GALNT9: variants seen among roughly 807,000 people sequenced by gnomAD.
GALNT9 encodes polypeptide N-acetylgalactosaminyltransferase 9, also known as GalNAc transferase 9.
A neutral mutation model predicts 63.1 loss-of-function variants in GALNT9; 47 were observed. The observed-to-expected ratio is 0.75, with a 90% CI of 0.59 to 0.95. The LOEUF (loss-of-function observed/expected upper bound fraction) is 0.95, where lower values mean the gene tolerates loss of function less well. Ranked by LOEUF, GALNT9 falls within the 40% of genes least tolerant of loss-of-function variation. The pLI is 0.00. For synonymous variants in GALNT9, 396 were observed against 365.7 expected (o/e 1.08, Z -0.94); for missense variants, 829 against 874.8 (o/e 0.95, Z 0.66).
chr12:132,202,124 C>T (rs557210436), intron 7 of GALNT9, among the ~76,000 whole-genome samples: 4 of 152,338 alleles, frequency 2.6e-5, no homozygotes, highest in South Asian at 2.1e-4. Flanking sequence ...GGGACGATCA[C>T]GCCAGAAACT....
At chr12:132,291,504 GTCCACACCACCCACA>G (rs1169805092) in intron 1 of GALNT9, among the ~76,000 whole-genome samples, 2 of 98,662 alleles carry the variant, frequency 2.0e-5, no homozygotes, top group East Asian at 3.1e-4. Context: ...CAGCGCCCAC[GTCCACACCACCCACA>G]TCCACAGCAC....
chr12:132,240,578 C>T (rs2136898711), intron 6 of GALNT9: 1 of 454,380 alleles, frequency 2.2e-6, no homozygotes, highest in Admixed American at 2.4e-5. Flanking sequence ...GTGCGTGGCC[C>T]CGGGGCTCGG....
intron 6 of GALNT9, among the ~76,000 whole-genome samples, chr12:132,230,248 C>T (rs1453782371): frequency 2.0e-5 from 3 of 152,230 alleles, no homozygotes; most frequent in Non-Finnish European, 4.4e-5. Context: ...GCTGGACGTC[C>T]TGCCTGTGAG....
chr12:132,251,658 G>C (rs1269603180), intron 5 of GALNT9, among the ~76,000 whole-genome samples: 1 of 152,122 alleles, frequency 6.6e-6, no homozygotes, highest in Non-Finnish European at 1.5e-5. Flanking sequence ...TCTCCTCCCC[G>C]CAGGCCCAGC....
At chr12:132,285,906 G>C (rs1343805711) in intron 2 of GALNT9, among the ~76,000 whole-genome samples, 1 of 151,930 alleles carries the variant, frequency 6.6e-6, no homozygotes, top group African/African-American at 2.4e-5. Context: ...AGAGACAGGA[G>C]AGACAGAGGA....
chr12:132,295,441 T>C (rs1555243138), intron 1 of GALNT9, among the ~76,000 whole-genome samples: 3 of 150,894 alleles, frequency 2.0e-5, no homozygotes, highest in Non-Finnish European at 4.4e-5. Flanking sequence ...CAGGATCTTA[T>C]CTGGAAACGG....
At position 132,197,267 on chromosome 12, in the gene GALNT9, C is replaced by T; in HGVS notation, c.1666-14G>A. 6.2e-7 allele frequency: 1 copy of T among 1,609,030 alleles called. No homozygotes were observed. The highest frequency in any genetic ancestry group is 2.2e-5 in the East Asian group (1 of 44,838). The stretch of plus-strand genomic sequence containing the variant: ...AATGGGGCCACTCTGTGGGGACAGG[C>T]ACATCAAGTCAGCCAGGTGCAGGCG... On this transcript the variant is annotated splice_polypyrimidine_tract_variant and intron_variant, in intron 10 of 10. Coordinates refer to ENST00000328957, the MANE Select transcript of GALNT9 (RefSeq NM_001122636.2).
chr12:132,298,440 A>G (rs1347104958), intron 1 of GALNT9, among the ~76,000 whole-genome samples: 1 of 151,216 alleles, frequency 6.6e-6, no homozygotes, highest in East Asian at 1.9e-4. Context: ...CACTCCTATA[A>G]CTAACCTGCT....
At chr12:132,210,837 G>A (rs1467047672) in intron 6 of GALNT9, among the ~76,000 whole-genome samples, 4 of 147,136 alleles carry the variant, frequency 2.7e-5, no homozygotes, top group Non-Finnish European at 3.0e-5. Flanking sequence ...GGAGGTCGCC[G>A]TCTGGAGGTC....
rs529718642 is a variant in GALNT9 at position 132,286,524 on chromosome 12, G to A, written c.239-94C>T. On this transcript the variant is annotated intron_variant, in intron 1 of 10. Coordinates refer to ENST00000328957, the MANE Select transcript of GALNT9 (RefSeq NM_001122636.2). The surrounding 1 kb of genome is among the most constrained non-coding windows in gnomAD (Gnocchi z 7.4). ...CCTCCCGCCCCTCTCCCCGACGGCC[G>A]CTTCCCCCGGTACAAGCCCAGCAAA... is the stretch of plus-strand genomic sequence containing the variant. 2.4e-4 allele frequency: 344 copies of A among 1,432,378 alleles called. 1 individual carries two copies. In the East Asian group the frequency reaches 4.4e-3, roughly 18 times the overall value. The allele number at this position is 1,432,378 out of a possible 1,614,324, so 88.7% of individuals were successfully genotyped here. A position where few individuals can be genotyped will look rare whatever the true frequency, so the allele number is the denominator to read the frequency against.
At position 132,236,873 on chromosome 12, in the gene GALNT9, C is replaced by T. The variant is rs2136895050; in HGVS notation, c.1077+11037G>A. On this transcript the variant is annotated intron_variant, in intron 6 of 10. Coordinates refer to ENST00000328957, the MANE Select transcript of GALNT9 (RefSeq NM_001122636.2). The surrounding 1 kb of genome is among the most constrained non-coding windows in gnomAD (Gnocchi z 5.6). ...GGTTTGGCTGTGGTCTTTGTGGCATCGGGATGGGAAAGCCATGTGGGTGCT... is the reference window on the plus strand; with the variant it reads ...GGTTTGGCTGTGGTCTTTGTGGCATTGGGATGGGAAAGCCATGTGGGTGCT... Among the ~76,000 whole-genome samples, 3 of 152,160 alleles carry T rather than the reference C, an allele frequency of 2.0e-5. No individual in the cohort carries two copies. The highest frequency in any genetic ancestry group is 6.5e-5 in the Admixed American group (1 of 15,288).
At chr12:132,273,889 A>G (rs1436107997) in intron 2 of GALNT9, 2 of 152,182 alleles carry the variant, frequency 1.3e-5, no homozygotes, top group African/African-American at 4.8e-5. Flanking sequence ...AACCCTGTCA[A>G]GCTTGGAGGC....
intron 5 of GALNT9, among the ~76,000 whole-genome samples, chr12:132,248,978 G>A (rs1296863844): frequency 2.6e-5 from 4 of 152,234 alleles, no homozygotes; most frequent in African/African-American, 9.6e-5. Context: ...GGGAGGATAA[G>A]CTGGTGTGCC....
At chr12:132,308,047 A>C (rs1470360299) in intron 1 of GALNT9, among the ~76,000 whole-genome samples, 1 of 135,732 alleles carries the variant, frequency 7.4e-6, no homozygotes, top group Non-Finnish European at 1.6e-5. Context: ...AAAAAAAAAA[A>C]ACAAAAAAAC....
intron 2 of GALNT9, chr12:132,275,630 G>C (rs1041234811): frequency 1.3e-5 from 2 of 152,314 alleles, no homozygotes; most frequent in Non-Finnish European, 2.9e-5. Flanking sequence ...AAGCCAATTT[G>C]AGATGGATTT....
intron 1 of GALNT9, among the ~76,000 whole-genome samples, chr12:132,306,814 G>A (rs1419150271): frequency 6.6e-6 from 1 of 152,164 alleles, no homozygotes; most frequent in Non-Finnish European, 1.5e-5. Flanking sequence ...GCTCACTTCC[G>A]CGCACACCCG....
At chr12:132,203,167 T>A (rs553676121) in intron 7 of GALNT9, among the ~76,000 whole-genome samples, 1 of 152,008 alleles carries the variant, frequency 6.6e-6, no homozygotes, top group East Asian at 1.9e-4. Flanking sequence ...GGGCACTAAG[T>A]GGGGCCCTGG....
At chr12:132,260,036 T>TGGGTGCGGGGGCCC (rs71076423) in intron 4 of GALNT9, among the ~76,000 whole-genome samples, 1 of 104,356 alleles carries the variant, frequency 9.6e-6, no homozygotes, top group African/African-American at 3.0e-5. Context: ...GGGGCCTGCC[T>TGGGTGCGGGGGCCC]GGGTGCAGGG....
chr12:132,239,835 G>C (rs1160249799), intron 6 of GALNT9, among the ~76,000 whole-genome samples: 2 of 152,132 alleles, frequency 1.3e-5, no homozygotes, highest in African/African-American at 4.8e-5. Context: ...GACTGAGAGA[G>C]ACAAAGAGAG....
Sources: gnomAD v4.1 joint callset for allele counts (sites outside exome capture counted in the v4.1 genomes callset) on GRCh38, gnomAD v4.1.1 for gene constraint, Gnocchi (gnomAD v3.1) non-coding constraint, MANE v1.5 for transcripts, NCBI Gene and HGNC (gene_info 2026-07-23, HGNC 2026-07-21) for gene names.